Variants in PHC2 observed in about 807,000 individuals in gnomAD.
PHC2 encodes the protein polyhomeotic-like protein 2.
A neutral mutation model predicts 87.4 loss-of-function variants in PHC2; 29 were observed. The observed-to-expected ratio is 0.33, with a 90% CI of 0.25 to 0.45. PHC2 has a LOEUF of 0.45. Ranked by LOEUF, PHC2 falls within the 20% of genes least tolerant of loss-of-function variation. The pLI is 1.00. For missense variants in PHC2, 857 were observed against 1,136.7 expected, an observed-to-expected ratio of 0.75 and a Z score of 3.54; for synonymous variants, 438 against 461.7, an observed-to-expected ratio of 0.95 and a Z score of 0.66.
chr1:33,339,938 C>T (rs1193196130), intron 9 of PHC2, among the ~76,000 whole-genome samples: 1 of 152,182 alleles, frequency 6.6e-6, no homozygotes, highest in Non-Finnish European at 1.5e-5. Flanking sequence ...GATTTTGGAG[C>T]ATTTTGGATC....
At chr1:33,333,498 C>G (rs1363472186) in intron 10 of PHC2, 1 of 157,922 alleles carries the variant, frequency 6.3e-6, no homozygotes, top group Non-Finnish European at 1.4e-5. Flanking sequence ...GGTCAATAAC[C>G]CATCTTCGTG....
In PHC2 at chr1:33,357,228, A is replaced by G. The variant is rs373155677; in HGVS notation, c.977-1975T>C. On this transcript the variant is annotated intron_variant, in intron 7 of 14. Coordinates refer to ENST00000683057, the MANE Select transcript of PHC2 (RefSeq NM_001385109.1). ...CTAAAGCCTCATGCCAGTAAGGATA[A>G]AGGTGAATTCTGGGTCCTGAGCTCA... is the stretch of plus-strand genomic sequence containing the variant. Among the ~76,000 whole-genome samples, 198 of 152,306 alleles carry G rather than the reference A, an allele frequency of 1.3e-3. 1 individual carries two copies. The highest frequency in any genetic ancestry group is 5.0e-3 in the South Asian group (24 of 4,820).
intron 1 of PHC2, among the ~76,000 whole-genome samples, chr1:33,396,573 G>A: frequency 6.6e-6 from 1 of 152,136 alleles, no homozygotes; most frequent in East Asian, 1.9e-4. Context: ...TTTGGGGGAG[G>A]CATTAGGCAA....
chr1:33,363,084 ATAG>A (rs10531741), intron 7 of PHC2: 93,067 of 151,834 alleles, frequency 0.61, 29,685 homozygotes, highest in African/African-American at 0.82. Context: ...AACCAGGGAA[ATAG>A]TCTAACAGAA....
intron 9 of PHC2, among the ~76,000 whole-genome samples, chr1:33,342,377 C>T (rs1258966425): frequency 1.3e-5 from 2 of 152,224 alleles, no homozygotes; most frequent in East Asian, 3.8e-4. Context: ...TCTCTCAGGA[C>T]ACAGGCAAAG....
intron 9 of PHC2, chr1:33,345,910 C>T: frequency 1.0e-6 from 1 of 985,208 alleles, no homozygotes; most frequent in Non-Finnish European, 1.2e-6. Flanking sequence ...GTCATTGCTT[C>T]AAGTGAAGCC....
rs1422298541 is a variant in PHC2, at chr1:33,382,236, G to A, written c.-54-6643C>T. The stretch of plus-strand genomic sequence containing the variant: ...ATCTCCCCCTTCACACCTTCCTTCC[G>A]CTCAAAGTTCTGGCTGCTGGAGAGT... On this transcript the variant is annotated intron_variant, in intron 1 of 14. Transcript: ENST00000683057. This position sits in a 1 kb window ranked among gnomAD's most constrained non-coding sequence, Gnocchi z 4.3. Among the ~76,000 whole-genome samples, 3 of 151,778 alleles carry A rather than the reference G, an allele frequency of 2.0e-5. No individual in the cohort carries two copies. Among genetic ancestry groups the A allele is most frequent in the Non-Finnish European group, 4.4e-5 (3 of 67,958 alleles).
In PHC2 at chr1:33,324,806, T is replaced by C; in HGVS notation, c.*59A>G. ...TTTCTGGGCCCCTCAGGAATGTCTG[T>C]CTGGCTCTGCTCAGTCGGGAGGAGG... On this transcript the variant is annotated 3_prime_UTR_variant, in exon 15 of 15. Transcript: ENST00000683057. 1 of 1,541,154 alleles carries C rather than the reference T, an allele frequency of 6.5e-7. No homozygotes were observed. The highest frequency in any genetic ancestry group is 8.8e-7 in the Non-Finnish European group (1 of 1,139,196).
intron 1 of PHC2, among the ~76,000 whole-genome samples, chr1:33,403,358 C>T (rs566758557): frequency 1.1e-3 from 169 of 151,868 alleles, no homozygotes; most frequent in Non-Finnish European, 1.7e-3. Flanking sequence ...ATCTCTTGAC[C>T]TCGTGATCCA....
At chr1:33,403,025 G>C (rs560402373) in intron 1 of PHC2, among the ~76,000 whole-genome samples, 16 of 150,588 alleles carry the variant, frequency 1.1e-4, no homozygotes, top group African/African-American at 3.7e-4. Context: ...GTTTCACTGT[G>C]TTAGCCAGGA....
rs1185289821 is a variant in PHC2 at position 33,372,333 on chromosome 1, G to A, written c.289C>T (p.His97Tyr). 2 of 1,602,058 alleles carry A rather than the reference G, an allele frequency of 1.2e-6. No homozygotes were observed. The highest frequency in any genetic ancestry group is 2.2e-5 in the South Asian group (2 of 89,846). Residue 97 changes from histidine to tyrosine, a missense_variant, in exon 3 of 15, where the codon CAC becomes TAC. Physicochemically the swap from His to Tyr is moderately conservative, Grantham distance 83. Transcript: ENST00000683057. ...MLQTAALQQQ[H>Y]LSSAQLQSLA... Reference sequence around the variant, plus strand: ...CTCTGGAGCTGGGCGCTGCTGAGGTGCTGCTGCTGGAGCGCCGCGGTCTGC... The same window carrying A: ...CTCTGGAGCTGGGCGCTGCTGAGGTACTGCTGCTGGAGCGCCGCGGTCTGC...
intron 1 of PHC2, among the ~76,000 whole-genome samples, chr1:33,381,553 G>T (rs1056615466): frequency 6.6e-6 from 1 of 151,538 alleles, no homozygotes; most frequent in Non-Finnish European, 1.5e-5. Flanking sequence ...TCCCAATTTT[G>T]TCAATGAGAA....
intron 1 of PHC2, among the ~76,000 whole-genome samples, chr1:33,400,941 A>G (rs1489809120): frequency 6.6e-6 from 1 of 152,126 alleles, no homozygotes; most frequent in Non-Finnish European, 1.5e-5. Flanking sequence ...ATTAAAAATA[A>G]TAAATAAATA....
rs766220885 is a variant in PHC2, at chr1:33,367,096, C to A, written c.976+20G>T. 3.8e-6 allele frequency: 6 copies of A among 1,575,472 alleles called. No homozygotes were observed. Among genetic ancestry groups the A allele is most frequent in the East Asian group, 4.5e-5 (2 of 44,104 alleles). On this transcript the variant is annotated intron_variant, in intron 7 of 14. Coordinates refer to ENST00000683057, the MANE Select transcript of PHC2 (RefSeq NM_001385109.1). The stretch of plus-strand genomic sequence containing the variant: ...CCCTGAGTTTTCTGGGAAAGGATTC[C>A]TGCTTCCTGAAGACCTTACCTGGTG...
chr1:33,420,599 G>T (rs191161658), intron 1 of PHC2, among the ~76,000 whole-genome samples: 1 of 151,952 alleles, frequency 6.6e-6, no homozygotes, highest in Non-Finnish European at 1.5e-5. Context: ...ATTTGAACTC[G>T]GACAAGTTAT....
intron 1 of PHC2, among the ~76,000 whole-genome samples, chr1:33,420,499 A>G (rs1451896272): frequency 6.6e-6 from 1 of 152,214 alleles, no homozygotes; most frequent in Non-Finnish European, 1.5e-5. Flanking sequence ...TGGAACTCAA[A>G]GCCTGCATGT....
intron 1 of PHC2, among the ~76,000 whole-genome samples, chr1:33,415,952 C>A (rs1650183994): frequency 6.6e-6 from 1 of 151,994 alleles, no homozygotes; most frequent in African/African-American, 2.4e-5. Context: ...TTAGAAATTA[C>A]CCAAAATGAG....
intron 9 of PHC2, chr1:33,335,086 C>T (rs540956475): frequency 2.9e-5 from 15 of 525,420 alleles, no homozygotes; most frequent in East Asian, 1.5e-4. Context: ...GACAACCTTT[C>T]CTAATTCTCC....
chr1:33,398,644 T>C (rs932936600), intron 1 of PHC2, among the ~76,000 whole-genome samples: 26 of 152,212 alleles, frequency 1.7e-4, no homozygotes, highest in Admixed American at 1.7e-3. Context: ...TGAACATTCA[T>C]TCACAAGCTG....
Sources: gnomAD v4.1 joint callset for allele counts (sites outside exome capture counted in the v4.1 genomes callset) on GRCh38, gnomAD v4.1.1 for gene constraint, Gnocchi (gnomAD v3.1) non-coding constraint, MANE v1.5 for transcripts, NCBI Gene and HGNC (gene_info 2026-07-23, HGNC 2026-07-21) for gene names.